The following EZR variants were observed in gnomAD, a reference collection of about 807,000 sequenced individuals.
EZR encodes the protein cytovillin 2.
In EZR, 40 loss-of-function variants were observed where a neutral mutation model predicts 74.8. The ratio of observed to expected loss-of-function variants is 0.53; its 90% CI spans 0.42 to 0.70. The LOEUF (loss-of-function observed/expected upper bound fraction) is 0.70. Ranked by LOEUF, EZR falls within the 30% of genes least tolerant of loss-of-function variation. EZR has a pLI of 0.00. For missense variants in EZR, 678 were observed against 755.8 expected (o/e 0.90, Z 1.21); for synonymous variants, 341 against 283.3 (o/e 1.20, Z -2.05).
intron 4 of EZR, among the ~76,000 whole-genome samples, chr6:158,786,407 T>TCA (rs1426173286): frequency 6.6e-6 from 1 of 152,136 alleles, no homozygotes; most frequent in African/African-American, 2.4e-5. Flanking sequence ...ACAAGTACTA[T>TCA]CACACTCTTG....
At chr6:158,809,825 C>T (rs931626171) in intron 2 of EZR, among the ~76,000 whole-genome samples, 5 of 152,098 alleles carry the variant, frequency 3.3e-5, no homozygotes, top group South Asian at 2.1e-4. Flanking sequence ...ACTTGGAGTC[C>T]GTTGCATATT....
At chr6:158,792,167 A>T (rs1420676741) in intron 2 of EZR, among the ~76,000 whole-genome samples, 1 of 152,212 alleles carries the variant, frequency 6.6e-6, no homozygotes, top group African/African-American at 2.4e-5. Flanking sequence ...GTTCTGAAAC[A>T]GTTTCATATC....
At chr6:158,779,835 C>T (rs1010378756) in intron 7 of EZR, among the ~76,000 whole-genome samples, 8 of 151,980 alleles carry the variant, frequency 5.3e-5, no homozygotes, top group African/African-American at 9.7e-5. Flanking sequence ...TTTAGCCTCC[C>T]AAAGTGCTGG....
chr6:158,779,344 A>T (rs1791365455), intron 7 of EZR, among the ~76,000 whole-genome samples: 1 of 152,174 alleles, frequency 6.6e-6, no homozygotes, highest in Admixed American at 6.5e-5. Flanking sequence ...GAGGTCTGAC[A>T]ACTAACTGTG....
Position 158,767,338 on chromosome 6 carries a change from C to T in EZR, c.1519G>A (p.Gly507Ser). 6.2e-7 allele frequency: 1 copy of T among 1,614,184 alleles called. No individual in the cohort carries two copies. Among genetic ancestry groups the T allele is most frequent in the South Asian group, 1.1e-5 (1 of 91,086 alleles). ...TCCTCATTGCGGTCATCCCGGATGC[C>T]CTCACTAGACAGCTCCGCGCTGTAG... is the stretch of plus-strand genomic sequence containing the variant. ...TGYSAELSSE[G>S]IRDDRNEEKR... The change falls in exon 13 of 14, where the codon GGC (glycine) becomes AGC (serine). Residue 507 changes from glycine (G) to serine (S), a missense_variant. By Grantham distance (56) the Gly-to-Ser change is moderately conservative. Around this residue, in one of 3 missense-constraint regions of EZR, gnomAD observed 342 missense variants for 341.2 expected, o/e 1.00. Transcript: ENST00000367075.
At chr6:158,818,943 G>C (rs1777629463) in intron 1 of EZR, among the ~76,000 whole-genome samples, 2 of 152,154 alleles carry the variant, frequency 1.3e-5, no homozygotes, top group Non-Finnish European at 2.9e-5. Flanking sequence ...AAGCCCGTGA[G>C]AAGCCGAGCA....
intron 2 of EZR, among the ~76,000 whole-genome samples, chr6:158,807,748 T>C (rs1777374365): frequency 6.6e-6 from 1 of 152,206 alleles, no homozygotes; most frequent in African/African-American, 2.4e-5. Flanking sequence ...ACATGTGTCT[T>C]TCCCCCTGCA....
chr6:158,817,516 G>A (rs1180995396), intron 2 of EZR, among the ~76,000 whole-genome samples: 3 of 152,242 alleles, frequency 2.0e-5, no homozygotes, highest in South Asian at 2.1e-4. Flanking sequence ...TTCTGTTAGA[G>A]ACAGAAATTC....
At chr6:158,788,934 C>T (rs967788900) in intron 3 of EZR, among the ~76,000 whole-genome samples, 3 of 152,138 alleles carry the variant, frequency 2.0e-5, no homozygotes, top group Non-Finnish European at 2.9e-5. Flanking sequence ...TAGGAAGCCG[C>T]GTCTCTAATA....
At chr6:158,775,037 T>A (rs565679129) in intron 8 of EZR, among the ~76,000 whole-genome samples, 39 of 146,948 alleles carry the variant, frequency 2.7e-4, no homozygotes, top group Admixed American at 6.8e-4. Flanking sequence ...AGGAGCCCTT[T>A]TTTTTTTTTT....
At chr6:158,804,829 T>C (rs972560569) in intron 2 of EZR, among the ~76,000 whole-genome samples, 2 of 151,330 alleles carry the variant, frequency 1.3e-5, no homozygotes, top group Admixed American at 6.6e-5. Flanking sequence ...TAGTTACATA[T>C]GTATACATGT....
chr6:158,790,665 C>G (rs999803558), intron 2 of EZR, among the ~76,000 whole-genome samples: 1 of 148,542 alleles, frequency 6.7e-6, no homozygotes, highest in African/African-American at 2.5e-5. Context: ...CGGAGCAAGA[C>G]TCCATCTCAA....
intron 7 of EZR, among the ~76,000 whole-genome samples, chr6:158,780,195 AAAACC>A (rs1328209911): frequency 2.0e-5 from 3 of 151,718 alleles, no homozygotes; most frequent in African/African-American, 7.3e-5. Flanking sequence ...AAAAAAAAAA[AAAACC>A]AAGAATGATT....
At chr6:158,789,217 C>A in intron 3 of EZR, 71 bp downstream of exon 3, 2 of 1,191,644 alleles carry the variant, frequency 1.7e-6, no homozygotes, top group South Asian at 1.4e-5. Context: ...GCTTCGCAAA[C>A]AAAATAACTG....
rs1051917439 is a variant in EZR, at chr6:158,785,576, G to A, written c.200C>T (p.Ala67Val). The A allele has an allele frequency of 1.2e-6, 2 of 1,613,634 alleles. No homozygotes were observed. Among genetic ancestry groups the A allele is most frequent in the African/African-American group, 1.3e-5 (1 of 74,998 alleles). The change falls in exon 5 of 14, where the codon GCC (alanine) becomes GTC (valine). Residue 67 changes from alanine to valine, a missense_variant. This residue lies in a region of EZR where 217 missense variants were observed against 232.2 expected (regional missense o/e 0.93). Coordinates refer to ENST00000367075, the MANE Select transcript of EZR (RefSeq NM_001111077.2). ...TWLKLDKKVSAQEVRKENPLQ... is the reference protein window; with the variant it reads ...TWLKLDKKVSVQEVRKENPLQ... ...GGGATTCTCCTTCCTGACCTCCTGG[G>A]CAGACACCTGCACGAAACAAGCCAC...
In EZR at chr6:158,791,709, T is replaced by TTTTTC. The variant is rs1311130810; in HGVS notation, c.13-2339_13-2338insGAAAA. On this transcript the variant is annotated intron_variant, in intron 2 of 13. Coordinates refer to ENST00000367075, the MANE Select transcript of EZR (RefSeq NM_001111077.2). ...TGCACACGAGATTTCAGACTCCATT[T>TTTTTC]TTTTTTTTTTTTTTTTTGAGACAGA... Among the ~76,000 whole-genome samples the TTTTTC allele has an allele frequency of 2.5e-3, 325 of 131,954 alleles. 4 individuals are homozygous for TTTTTC. Among genetic ancestry groups the TTTTTC allele is most frequent in the African/African-American group, 8.5e-3 (303 of 35,506 alleles). The allele number at this position is 131,954 out of a possible 152,430, so 86.6% of individuals were successfully genotyped here.
chr6:158,778,393 A>G (rs1267063446), intron 7 of EZR, among the ~76,000 whole-genome samples: 1 of 151,388 alleles, frequency 6.6e-6, no homozygotes, highest in Non-Finnish European at 1.5e-5. Flanking sequence ...ATAGCCACTC[A>G]TAAGCATAAC....
Position 158,766,204 on chromosome 6 carries a change from A to G in EZR, c.*710T>C, listed in dbSNP as rs914189724. ...AACAAAACTTTCCCTTTTTAAAACT[A>G]ATGTTACAAATCTGTATTATCACTT... is the stretch of plus-strand genomic sequence containing the variant. On this transcript the variant is annotated 3_prime_UTR_variant, in exon 14 of 14. Coordinates refer to ENST00000367075, the MANE Select transcript of EZR (RefSeq NM_001111077.2). The G allele has an allele frequency of 1.3e-5, 2 of 152,500 alleles. No individual in the cohort carries two copies. The highest frequency in any genetic ancestry group is 4.8e-5 in the African/African-American group (2 of 41,410). 9.4% of individuals were successfully genotyped at this position (152,500 alleles called of 1,614,324 possible). A position where few individuals can be genotyped will look rare whatever the true frequency, so the allele number is the denominator to read the frequency against.
At chr6:158,795,057 C>A (rs766039965) in intron 2 of EZR, among the ~76,000 whole-genome samples, 2 of 151,790 alleles carry the variant, frequency 1.3e-5, no homozygotes, top group East Asian at 3.9e-4. Flanking sequence ...TCAAGACCAG[C>A]GCTGGCCAAC....
Sources: gnomAD v4.1 joint callset for allele counts (sites outside exome capture counted in the v4.1 genomes callset) on GRCh38, gnomAD v4.1.1 for gene constraint, gnomAD v4.1.1 regional missense constraint, MANE v1.5 for transcripts, NCBI Gene and HGNC (gene_info 2026-07-23, HGNC 2026-07-21) for gene names.